Variants in FRMD4A observed in about 807,000 individuals in gnomAD.
FRMD4A encodes FERM domain-containing protein 4A.
In FRMD4A, 29 loss-of-function variants were observed where a neutral mutation model predicts 129.1. The ratio of observed to expected loss-of-function variants is 0.22; its 90% CI spans 0.17 to 0.31. The LOEUF (loss-of-function observed/expected upper bound fraction) is 0.31. Ranked by LOEUF, FRMD4A falls within the 10% of genes least tolerant of loss-of-function variation. The pLI, the probability that FRMD4A is intolerant of heterozygous loss-of-function variation, is 1.00. For synonymous variants in FRMD4A, 634 were observed against 571.6 expected (o/e 1.11, Z -1.56); for missense variants, 1,272 against 1,375.8 (o/e 0.92, Z 1.19).
At chr10:14,209,428 C>A (rs1299109298) in intron 2 of FRMD4A, among the ~76,000 whole-genome samples, 6 of 152,048 alleles carry the variant, frequency 3.9e-5, no homozygotes, top group Non-Finnish European at 8.8e-5. Context: ...TTAGGGTGGG[C>A]CATAAATCCA....
intron 2 of FRMD4A, among the ~76,000 whole-genome samples, chr10:14,288,854 A>G (rs1237717019): frequency 1.3e-5 from 2 of 152,170 alleles, no homozygotes; most frequent in East Asian, 1.9e-4. Flanking sequence ...TAGATTCCTC[A>G]TGTAAATGTA....
intron 2 of FRMD4A, among the ~76,000 whole-genome samples, chr10:13,933,473 G>T (rs1440788998): frequency 6.6e-6 from 1 of 152,038 alleles, no homozygotes; most frequent in Non-Finnish European, 1.5e-5. Context: ...GCTTGTTTAT[G>T]CGTTTTGTCC....
intron 15 of FRMD4A, chr10:13,684,962 T>C: frequency 1.0e-6 from 1 of 984,244 alleles, no homozygotes; most frequent in Non-Finnish European, 1.2e-6. Flanking sequence ...CAGGAATAAA[T>C]ATGAGGAAAA....
intron 2 of FRMD4A, among the ~76,000 whole-genome samples, chr10:14,131,883 C>G (rs1182910902): frequency 6.6e-6 from 1 of 152,148 alleles, no homozygotes; most frequent in Non-Finnish European, 1.5e-5. Context: ...TCATCCTGAT[C>G]AAAACACCTG....
chr10:14,114,011 C>A (rs1209964078), intron 2 of FRMD4A, among the ~76,000 whole-genome samples: 1 of 152,232 alleles, frequency 6.6e-6, no homozygotes, highest in Non-Finnish European at 1.5e-5. Context: ...AGGGCATAGC[C>A]TTGGCCTGCA....
chr10:13,812,304 G>A (rs1242706774), intron 3 of FRMD4A, among the ~76,000 whole-genome samples: 1 of 152,182 alleles, frequency 6.6e-6, no homozygotes, highest in Non-Finnish European at 1.5e-5. Context: ...GAGACAATTA[G>A]GTTTAAATGA....
At position 13,925,566 on chromosome 10, in the gene FRMD4A, C is replaced by CTTTTTTTTTTTTTTTTT. The variant is rs66980805; in HGVS notation, c.46-66671_46-66655dup. On this transcript the variant is annotated intron_variant, in intron 2 of 24. Transcript: ENST00000357447. ...TGAAAGTTTCTATTGTAGTGAAACG[C>CTTTTTTTTTTTTTTTTT]TTTTTTTTTTTTTTTTTTTTTTTTT... Among the ~76,000 whole-genome samples, 45 of 61,944 alleles carry CTTTTTTTTTTTTTTTTT rather than the reference C, an allele frequency of 7.3e-4. 14 individuals are homozygous for CTTTTTTTTTTTTTTTTT. The highest frequency in any genetic ancestry group is 4.0e-3 in the East Asian group (5 of 1,246). 40.6% of individuals were successfully genotyped at this position (61,944 alleles called of 152,430 possible).
chr10:13,737,949 T>C lies in FRMD4A; in HGVS notation c.673-19A>G, dbSNP rs376939969. 21 of 1,428,510 alleles carry C rather than the reference T, an allele frequency of 1.5e-5. No individual in the cohort carries two copies. Among genetic ancestry groups the C allele is most frequent in the African/African-American group, 2.8e-5 (2 of 71,490 alleles). 88.5% of individuals were successfully genotyped at this position (1,428,510 alleles called of 1,614,324 possible). A position where few individuals can be genotyped will look rare whatever the true frequency, so the allele number is the denominator to read the frequency against. On this transcript the variant is annotated intron_variant, in intron 11 of 24. Coordinates refer to ENST00000357447, the MANE Select transcript of FRMD4A (RefSeq NM_018027.5). The stretch of plus-strand genomic sequence containing the variant: ...GCTTGTCCTAGGATATCAAAAAAAG[T>C]TTGGGTGAATATGGGACTGGAGGAA...
intron 24 of FRMD4A, chr10:13,649,506 A>G (rs2081374883): frequency 7.4e-6 from 1 of 134,756 alleles, no homozygotes; most frequent in South Asian, 2.4e-4. Context: ...GAGGAGCCGC[A>G]GTATGGAAAC....
chr10:13,822,524 A>G (rs557130797), intron 3 of FRMD4A, among the ~76,000 whole-genome samples: 1 of 152,348 alleles, frequency 6.6e-6, no homozygotes, highest in South Asian at 2.1e-4. Flanking sequence ...TCCTATTGGT[A>G]GAATGGGACA....
In FRMD4A at chr10:14,136,790, C is replaced by T. The variant is rs12258645; in HGVS notation, c.45+193268G>A. Among the ~76,000 whole-genome samples the T allele has an allele frequency of 8.6e-3, 1,306 of 152,138 alleles. 13 individuals carry two copies. Among genetic ancestry groups the T allele is most frequent in the African/African-American group, 0.03 (1,229 of 41,500 alleles). ...CTTAAATGCATAAAAGCAAGCTGTACCCCGACCACCTTGGGCACATGTCAT... is the reference window on the plus strand; with the variant it reads ...CTTAAATGCATAAAAGCAAGCTGTATCCCGACCACCTTGGGCACATGTCAT... On this transcript the variant is annotated intron_variant, in intron 2 of 24. Transcript: ENST00000357447.
At chr10:13,775,945 T>C (rs182308601) in intron 6 of FRMD4A, among the ~76,000 whole-genome samples, 88 of 152,242 alleles carry the variant, frequency 5.8e-4, no homozygotes, top group African/African-American at 2.0e-3. Flanking sequence ...AAACAATGGG[T>C]TGTCTAAAAA....
chr10:14,073,169 T>A (rs775523996), intron 2 of FRMD4A, among the ~76,000 whole-genome samples: 8 of 152,138 alleles, frequency 5.3e-5, no homozygotes, highest in Non-Finnish European at 1.0e-4. Context: ...TGACAGGTGG[T>A]GTCTTTTATT....
intron 2 of FRMD4A, among the ~76,000 whole-genome samples, chr10:14,091,641 A>C (rs1588955366): frequency 6.6e-6 from 1 of 152,170 alleles, no homozygotes; most frequent in East Asian, 1.9e-4. Flanking sequence ...CACCATGTTG[A>C]CCAGGATGGT....
chr10:13,768,595 G>T (rs907085455), intron 6 of FRMD4A, among the ~76,000 whole-genome samples: 7 of 152,128 alleles, frequency 4.6e-5, no homozygotes, highest in African/African-American at 1.4e-4. Flanking sequence ...TTTTCCTAAC[G>T]AATTCTCACC....
chr10:14,199,996 T>A (rs1842587471), intron 2 of FRMD4A, among the ~76,000 whole-genome samples: 1 of 148,068 alleles, frequency 6.8e-6, no homozygotes, highest in Non-Finnish European at 1.5e-5. Context: ...GCTTAACACA[T>A]CCATCACCTT....
intron 2 of FRMD4A, among the ~76,000 whole-genome samples, chr10:14,108,265 G>A (rs1257854155): frequency 6.6e-6 from 1 of 152,132 alleles, no homozygotes; most frequent in Non-Finnish European, 1.5e-5. Context: ...CAACTCATAA[G>A]CTATGCATCA....
intron 2 of FRMD4A, among the ~76,000 whole-genome samples, chr10:13,909,950 A>G (rs1374714634): frequency 6.6e-6 from 1 of 152,238 alleles, no homozygotes; most frequent in African/African-American, 2.4e-5. Context: ...ATAAAAAAGC[A>G]CTGTAATTAA....
intron 2 of FRMD4A, among the ~76,000 whole-genome samples, chr10:13,934,446 T>C (rs1469916954): frequency 3.3e-5 from 5 of 151,960 alleles, no homozygotes; most frequent in African/African-American, 9.7e-5. Flanking sequence ...GGGCTCAAAG[T>C]GTCCTAGTCA....
Sources: allele counts gnomAD v4.1 joint callset (sites outside exome capture counted in the v4.1 genomes callset), GRCh38; gene constraint gnomAD v4.1.1; transcripts MANE v1.5; gene names NCBI Gene and HGNC (gene_info 2026-07-23, HGNC 2026-07-21).